EYS: variants seen among roughly 807,000 people sequenced by gnomAD.
EYS encodes the protein EGF-like photoreceptor maintenance factor, also known as protein eyes shut homolog.
EYS carries 250 observed loss-of-function variants against 282.1 expected under a neutral mutation model. The observed-to-expected ratio is 0.89, with a 90% CI of 0.80 to 0.98. The LOEUF (loss-of-function observed/expected upper bound fraction) is 0.98. Among genes scored for constraint, EYS ranks in the 50% least tolerant of loss-of-function variants. The pLI is 0.00. For missense variants in EYS, 4,016 were observed against 3,709.0 expected (o/e 1.08, Z -2.15); for synonymous variants, 1,355 against 1,282.9 (o/e 1.06, Z -1.20).
At chr6:64,835,399 T>C (rs1765352792) in intron 19 of EYS, among the ~76,000 whole-genome samples, 2 of 151,674 alleles carry the variant, frequency 1.3e-5, no homozygotes, top group Admixed American at 1.3e-4. Flanking sequence ...GGTGTGTGTC[T>C]GCATATGTGT....
At chr6:65,010,461 C>A (rs530847784) in intron 13 of EYS, among the ~76,000 whole-genome samples, 37 of 152,312 alleles carry the variant, frequency 2.4e-4, no homozygotes, top group Admixed American at 4.6e-4. Flanking sequence ...ACATTTCTTC[C>A]AGACAATGAA....
chr6:63,863,745 G>A (rs571832196), intron 36 of EYS, among the ~76,000 whole-genome samples: 7 of 141,574 alleles, frequency 4.9e-5, no homozygotes, highest in East Asian at 4.2e-4. Flanking sequence ...GTGCAATTTC[G>A]GCTCACTGCA....
intron 35 of EYS, among the ~76,000 whole-genome samples, chr6:63,951,985 C>T (rs529640239): frequency 6.6e-6 from 1 of 152,270 alleles, no homozygotes; most frequent in South Asian, 2.1e-4. Context: ...AAATTAGATT[C>T]CAGCCCTCAA....
At chr6:63,832,276 G>A (rs1197065170) in intron 36 of EYS, among the ~76,000 whole-genome samples, 1 of 152,088 alleles carries the variant, frequency 6.6e-6, no homozygotes, top group Non-Finnish European at 1.5e-5. Flanking sequence ...ATGAATCCAG[G>A]AGCTGGTTTT....
At chr6:63,982,540 C>T (rs1767147638) in intron 35 of EYS, among the ~76,000 whole-genome samples, 1 of 151,872 alleles carries the variant, frequency 6.6e-6, no homozygotes, top group African/African-American at 2.4e-5. Context: ...GCCTCAGTGT[C>T]TTTTCATGTG....
intron 30 of EYS, among the ~76,000 whole-genome samples, chr6:64,241,846 C>T (rs1766844088): frequency 6.6e-6 from 1 of 152,128 alleles, no homozygotes; most frequent in South Asian, 2.1e-4. Context: ...TATAAATTTT[C>T]CTCTGCACAC....
At chr6:63,922,095 G>T (rs1301212563) in intron 35 of EYS, among the ~76,000 whole-genome samples, 2 of 152,152 alleles carry the variant, frequency 1.3e-5, no homozygotes, top group Non-Finnish European at 2.9e-5. Context: ...CAAGAAGAGA[G>T]TCCCCAGAAC....
intron 31 of EYS, among the ~76,000 whole-genome samples, chr6:64,142,922 A>C (rs1003811627): frequency 1.3e-5 from 2 of 152,212 alleles, no homozygotes; most frequent in Non-Finnish European, 2.9e-5. Context: ...TATTCACTCC[A>C]GTGATCAATG....
intron 12 of EYS, among the ~76,000 whole-genome samples, chr6:65,123,295 A>G (rs1447302504): frequency 6.6e-6 from 1 of 152,206 alleles, no homozygotes; most frequent in Admixed American, 6.5e-5. Flanking sequence ...AGCATAATGT[A>G]TTCTGTAATA....
chr6:65,280,383 T>A (rs1171433794), intron 12 of EYS, among the ~76,000 whole-genome samples: 1 of 152,154 alleles, frequency 6.6e-6, no homozygotes, highest in Non-Finnish European at 1.5e-5. Context: ...AATTATAACT[T>A]TAGTTTTTAT....
intron 12 of EYS, among the ~76,000 whole-genome samples, chr6:65,224,434 T>C (rs1330587553): frequency 3.3e-5 from 5 of 152,112 alleles, no homozygotes; most frequent in Admixed American, 6.5e-5. Flanking sequence ...GAAATTTCTA[T>C]CAATAAGTAC....
rs370784364 is a variant in EYS, at chr6:65,227,816, CA to C, written c.2023+68046del. Among the ~76,000 whole-genome samples, 987 of 151,436 alleles carry C rather than the reference CA, an allele frequency of 6.5e-3. 11 individuals carry two copies. The highest frequency in any genetic ancestry group is 0.023 in the African/African-American group (936 of 41,318). ...ATTATGCTAATTGAAATAAGCCAGACAAAAAAAGGACAGATATTGTTTGATT... is the reference window on the plus strand; with the variant it reads ...ATTATGCTAATTGAAATAAGCCAGACAAAAAAGGACAGATATTGTTTGATT... On this transcript the variant is annotated intron_variant, in intron 12 of 42. Transcript: ENST00000503581.
At chr6:64,878,188 G>A (rs1766809761) in intron 19 of EYS, among the ~76,000 whole-genome samples, 1 of 152,068 alleles carries the variant, frequency 6.6e-6, no homozygotes, top group South Asian at 2.1e-4. Flanking sequence ...TTGCACCACT[G>A]CACTCCAGCC....
intron 2 of EYS, among the ~76,000 whole-genome samples, chr6:65,609,857 C>A (rs1765930167): frequency 2.6e-5 from 4 of 152,076 alleles, no homozygotes; most frequent in African/African-American, 7.2e-5. Flanking sequence ...GGCCACATAT[C>A]ATGTGTCTAC....
chr6:64,686,332 A>AT (rs1770098246), intron 22 of EYS, among the ~76,000 whole-genome samples: 2 of 152,130 alleles, frequency 1.3e-5, no homozygotes, highest in African/African-American at 4.8e-5. Flanking sequence ...AAAAATGTTG[A>AT]TTTTTTGAAA....
At chr6:63,877,916 T>C (rs1381238043) in intron 35 of EYS, among the ~76,000 whole-genome samples, 8 of 152,214 alleles carry the variant, frequency 5.3e-5, no homozygotes, top group African/African-American at 1.9e-4. Context: ...GGTTCGAACA[T>C]CCTCCTTTAG....
chr6:64,333,631 T>TACTAACC (rs1190243346), intron 29 of EYS, among the ~76,000 whole-genome samples: 70 of 152,288 alleles, frequency 4.6e-4, no homozygotes, highest in African/African-American at 1.6e-3. Context: ...GGATAAGGGC[T>TACTAACC]ACTAACCTTT....
At chr6:65,039,372 T>G (rs2150148294) in intron 13 of EYS, among the ~76,000 whole-genome samples, 1 of 151,714 alleles carries the variant, frequency 6.6e-6, no homozygotes, top group Middle Eastern at 3.5e-3. Context: ...AACCGTCTTT[T>G]TATTTTTCAA....
intron 15 of EYS, among the ~76,000 whole-genome samples, chr6:64,930,098 C>T (rs946502066): frequency 1.3e-5 from 2 of 151,988 alleles, no homozygotes; most frequent in East Asian, 1.9e-4. Context: ...AAAAACTACT[C>T]GAATATTTAA....
Sources: gnomAD v4.1 joint callset for allele counts (sites outside exome capture counted in the v4.1 genomes callset) on GRCh38, gnomAD v4.1.1 for gene constraint, MANE v1.5 for transcripts, NCBI Gene and HGNC (gene_info 2026-07-23, HGNC 2026-07-21) for gene names.